Variants in CHLSN observed in about 807,000 individuals in gnomAD.
CHLSN encodes cholesin, also known as protein cholesin.
the CHLSN span, among the ~76,000 whole-genome samples, chr7:1,083,725 G>A: frequency 6.6e-6 from 1 of 152,070 alleles, no homozygotes; most frequent in African/African-American, 2.4e-5. Flanking sequence ...GTGGTCAACT[G>A]TGGTCTGCAC....
At chr7:1,116,191 TC>T in the CHLSN span, among the ~76,000 whole-genome samples, 26 of 104,440 alleles carry the variant, frequency 2.5e-4, 1 homozygote, top group Admixed American at 4.0e-4. Flanking sequence ...CAGGATGACA[TC>T]ACTACAGCTC....
chr7:1,056,304 GCTGTGGCGGCA>G, the CHLSN span: 3 of 152,860 alleles, frequency 2.0e-5, no homozygotes, highest in Admixed American at 2.0e-4. Flanking sequence ...CTGTGGCAGC[GCTGTGGCGGCA>G]CTGTGGCTGG....
chr7:1,089,623 A>C, the CHLSN span, among the ~76,000 whole-genome samples: 5 of 150,292 alleles, frequency 3.3e-5, no homozygotes, highest in Admixed American at 3.3e-4. Context: ...GGGTTTCGCC[A>C]TGTTACCCAG....
At chr7:1,055,606 T>C in the CHLSN span, 2 of 358,366 alleles carry the variant, frequency 5.6e-6, no homozygotes, top group Admixed American at 7.0e-5. Flanking sequence ...CAGGGGGTTC[T>C]GTACAGTGCC....
the CHLSN span, chr7:1,028,241 T>C: frequency 2.7e-6 from 3 of 1,091,492 alleles, no homozygotes; most frequent in Admixed American, 4.6e-5. Context: ...ATGCGGGCCC[T>C]GGCCCCGCGC....
chr7:1,132,914 A>G, the CHLSN span, among the ~76,000 whole-genome samples: 1 of 152,170 alleles, frequency 6.6e-6, no homozygotes, highest in Admixed American at 6.5e-5. Flanking sequence ...AACACAGCTC[A>G]GCATCGGGTC....
chr7:1,065,236 G>T, the CHLSN span, among the ~76,000 whole-genome samples: 16 of 152,296 alleles, frequency 1.1e-4, no homozygotes, highest in African/African-American at 3.8e-4. Flanking sequence ...GTGGGAGGAA[G>T]GTAAAACGTA....
At chr7:1,042,796 T>C in the CHLSN span, among the ~76,000 whole-genome samples, 2 of 152,036 alleles carry the variant, frequency 1.3e-5, no homozygotes, top group Non-Finnish European at 2.9e-5. Flanking sequence ...TCTTGGGCCA[T>C]TTATACCATG....
chr7:1,077,518 G>A, the CHLSN span, among the ~76,000 whole-genome samples: 2 of 152,076 alleles, frequency 1.3e-5, no homozygotes, highest in African/African-American at 4.8e-5. Context: ...GTGAGCCACC[G>A]CGCCCGGCCC....
At chr7:1,134,436 T>C in the CHLSN span, among the ~76,000 whole-genome samples, 1 of 151,472 alleles carries the variant, frequency 6.6e-6, no homozygotes. Context: ...TAGCCAGGTG[T>C]GGTGGCGTGT....
the CHLSN span, chr7:986,791 G>C: frequency 6.4e-7 from 1 of 1,566,882 alleles, no homozygotes; most frequent in South Asian, 1.2e-5. Flanking sequence ...TGATCCAGCA[G>C]GGACAGGTGT....
the CHLSN span, among the ~76,000 whole-genome samples, chr7:1,041,365 G>C: frequency 2.8e-3 from 339 of 122,824 alleles, 3 homozygotes; most frequent in Admixed American, 5.3e-3. Context: ...GGGGCCTGGG[G>C]TCCGCGCTGC....
chr7:1,088,319 C>G, the CHLSN span: 1 of 152,344 alleles, frequency 6.6e-6, no homozygotes, highest in Non-Finnish European at 1.5e-5. This position sits in a 1 kb window ranked among gnomAD's most constrained non-coding sequence, Gnocchi z 4.5. Context: ...GGCTGCAACC[C>G]AGGTAGGACT....
the CHLSN span, among the ~76,000 whole-genome samples, chr7:1,084,645 C>T: frequency 6.6e-6 from 1 of 152,226 alleles, no homozygotes; most frequent in African/African-American, 2.4e-5. Context: ...GGAAGCCTCA[C>T]TCCGCCCAGC....
the CHLSN span, chr7:1,058,256 G>A: frequency 2.1e-5 from 16 of 770,302 alleles, no homozygotes; most frequent in African/African-American, 3.4e-5. Context: ...GGCTCTGGAC[G>A]CCACACTATC....
chr7:1,013,799 G>C, the CHLSN span, among the ~76,000 whole-genome samples: 1 of 152,172 alleles, frequency 6.6e-6, no homozygotes, highest in Non-Finnish European at 1.5e-5. Context: ...TCAATGCTAG[G>C]ACAGTCTTCA....
chr7:1,100,947 C>T, the CHLSN span, among the ~76,000 whole-genome samples: 23 of 152,302 alleles, frequency 1.5e-4, no homozygotes, highest in Admixed American at 6.5e-4. Flanking sequence ...TGCACCCCTG[C>T]TCCTGGCCTA....
chr7:1,055,643 T>C, the CHLSN span, among the ~76,000 whole-genome samples: 4 of 151,980 alleles, frequency 2.6e-5, no homozygotes, highest in Non-Finnish European at 5.9e-5. Context: ...AAGTAGGGAA[T>C]GAAGGGGTGC....
chr7:1,110,095 G>A, the CHLSN span, among the ~76,000 whole-genome samples: 1 of 152,066 alleles, frequency 6.6e-6, no homozygotes, highest in African/African-American at 2.4e-5. Flanking sequence ...GCGCAGAGGC[G>A]AGCGGGTGCC....
Sources: allele counts gnomAD v4.1 joint callset (sites outside exome capture counted in the v4.1 genomes callset), GRCh38; gene constraint gnomAD v4.1.1; non-coding constraint Gnocchi (gnomAD v3.1); transcripts MANE v1.5; gene names NCBI Gene and HGNC (gene_info 2026-07-23, HGNC 2026-07-21).